FYN: variants seen among roughly 807,000 people sequenced by gnomAD.
The protein encoded by FYN is tyrosine-protein kinase Fyn.
A neutral mutation model predicts 70.2 loss-of-function variants in FYN; 10 were observed. The observed-to-expected ratio is 0.14, with a 90% CI of 0.09 to 0.24. The LOEUF (loss-of-function observed/expected upper bound fraction) is 0.24, where lower values mean the gene tolerates loss of function less well. Ranked by LOEUF, FYN falls within the 10% of genes least tolerant of loss-of-function variation. The pLI, the probability that FYN is intolerant of heterozygous loss-of-function variation, is 1.00. For synonymous variants in FYN, 236 were observed against 248.6 expected (o/e 0.95, Z 0.48); for missense variants, 319 against 673.1 (o/e 0.47, Z 5.82).
At chr6:111,843,196 C>T (rs964310180) in intron 2 of FYN, among the ~76,000 whole-genome samples, 1 of 152,208 alleles carries the variant, frequency 6.6e-6, no homozygotes, top group Admixed American at 6.5e-5. Flanking sequence ...TCACACCAGA[C>T]AAAGGCCATC....
At chr6:111,676,458 T>C (rs905721157) in intron 12 of FYN, 2 of 152,244 alleles carry the variant, frequency 1.3e-5, no homozygotes, top group African/African-American at 4.8e-5. Context: ...ATTCTCTGAA[T>C]AGTCAGTTGT....
intron 1 of FYN, among the ~76,000 whole-genome samples, chr6:111,847,666 C>A (rs1773569646): frequency 6.6e-6 from 1 of 151,900 alleles, no homozygotes; most frequent in South Asian, 2.1e-4. Flanking sequence ...TCCCCCACCA[C>A]ACACACACAC....
intron 3 of FYN, among the ~76,000 whole-genome samples, chr6:111,744,315 T>A (rs1044471074): frequency 1.7e-4 from 26 of 152,264 alleles, no homozygotes; most frequent in Admixed American, 1.6e-3. Flanking sequence ...AATTTCTCTC[T>A]GGATGGACAG....
At chr6:111,855,808 G>A (rs1235300523) in intron 1 of FYN, among the ~76,000 whole-genome samples, 1 of 152,174 alleles carries the variant, frequency 6.6e-6, no homozygotes, top group Non-Finnish European at 1.5e-5. Flanking sequence ...GTAGCCAACT[G>A]CAGTTATTGA....
chr6:111,785,174 C>CTCAATACT (rs1771317976), intron 2 of FYN, among the ~76,000 whole-genome samples: 1 of 152,196 alleles, frequency 6.6e-6, no homozygotes, highest in Admixed American at 6.5e-5. Context: ...CTCGTTCTCT[C>CTCAATACT]TCAATACTGT....
chr6:111,858,841 T>TTA (rs1773888546), intron 1 of FYN, among the ~76,000 whole-genome samples: 1 of 129,376 alleles, frequency 7.7e-6, no homozygotes, highest in Non-Finnish European at 1.7e-5. Flanking sequence ...ACCTAGGATT[T>TTA]AAAAAAAAAA....
At chr6:111,766,357 G>C (rs939722103) in intron 3 of FYN, among the ~76,000 whole-genome samples, 5 of 152,150 alleles carry the variant, frequency 3.3e-5, no homozygotes, top group Admixed American at 1.3e-4. Flanking sequence ...CTCCCAGTCA[G>C]AATGGCTATC....
chr6:111,849,608 CTG>C (rs757134703), intron 1 of FYN, among the ~76,000 whole-genome samples: 4 of 152,184 alleles, frequency 2.6e-5, no homozygotes, highest in Admixed American at 6.5e-5. Context: ...AGAGGCCAGA[CTG>C]TGAGAGACGG....
At chr6:111,740,226 C>T (rs1338846772) in intron 3 of FYN, among the ~76,000 whole-genome samples, 1 of 152,244 alleles carries the variant, frequency 6.6e-6, no homozygotes, top group East Asian at 1.9e-4. Context: ...GAATCCTACT[C>T]TTGGTCAAGG....
At chr6:111,822,334 C>G (rs970670473) in intron 2 of FYN, among the ~76,000 whole-genome samples, 1 of 152,118 alleles carries the variant, frequency 6.6e-6, no homozygotes, top group Non-Finnish European at 1.5e-5. Flanking sequence ...TTTGTAGGGA[C>G]ATGGATGAAG....
intron 2 of FYN, among the ~76,000 whole-genome samples, chr6:111,836,501 A>G (rs918733160): frequency 6.6e-6 from 1 of 152,184 alleles, no homozygotes; most frequent in African/African-American, 2.4e-5. Context: ...GCGGTGGTTC[A>G]TGTCTGTAAT....
At chr6:111,725,847 G>A (rs1320060765) in intron 3 of FYN, among the ~76,000 whole-genome samples, 1 of 152,208 alleles carries the variant, frequency 6.6e-6, no homozygotes, top group African/African-American at 2.4e-5. Context: ...ATTTATGAAT[G>A]ATGGGGTAGT....
At chr6:111,855,084 G>A (rs919108808) in intron 1 of FYN, among the ~76,000 whole-genome samples, 1 of 152,098 alleles carries the variant, frequency 6.6e-6, no homozygotes, top group Non-Finnish European at 1.5e-5. Context: ...TGACTTTAAT[G>A]TATTAGCTTC....
intron 13 of FYN, among the ~76,000 whole-genome samples, chr6:111,668,780 G>A (rs930909240): frequency 1.3e-5 from 2 of 152,162 alleles, no homozygotes; most frequent in African/African-American, 2.4e-5. Context: ...ATGAGCTGCA[G>A]GAAAAACCCC....
intron 5 of FYN, chr6:111,708,294 G>A: frequency 2.6e-6 from 1 of 381,548 alleles, no homozygotes; most frequent in Admixed American, 3.7e-5. Context: ...CTTGGTAGGG[G>A]GCATTTTGCT....
intron 12 of FYN, among the ~76,000 whole-genome samples, chr6:111,691,987 G>C (rs1799339677): frequency 6.6e-6 from 1 of 152,020 alleles, no homozygotes; most frequent in African/African-American, 2.4e-5. Context: ...TCTCAGGCCT[G>C]GCACTTGGAA....
chr6:111,665,353 T>A (rs1797945956), intron 13 of FYN, among the ~76,000 whole-genome samples: 1 of 152,206 alleles, frequency 6.6e-6, no homozygotes, highest in South Asian at 2.1e-4. Context: ...TTAAATAATT[T>A]TTTTTAAATG....
chr6:111,782,751 A>T (rs966169147), intron 2 of FYN, among the ~76,000 whole-genome samples: 9 of 152,168 alleles, frequency 5.9e-5, no homozygotes, highest in Middle Eastern at 3.2e-3. Flanking sequence ...ACAAGACACA[A>T]CTTGTGATTT....
intron 2 of FYN, among the ~76,000 whole-genome samples, chr6:111,841,510 G>A (rs892602267): frequency 6.6e-6 from 1 of 152,156 alleles, no homozygotes; most frequent in Non-Finnish European, 1.5e-5. Flanking sequence ...TAGTCCTTGG[G>A]CAATTCATTC....
Sources: allele counts gnomAD v4.1 joint callset (sites outside exome capture counted in the v4.1 genomes callset), GRCh38; gene constraint gnomAD v4.1.1; transcripts MANE v1.5; gene names NCBI Gene and HGNC (gene_info 2026-07-23, HGNC 2026-07-21).